The following TMEM135 variants were observed in gnomAD, a reference collection of about 807,000 sequenced individuals.
The protein encoded by TMEM135 is peroxisomal membrane protein 52.
TMEM135 carries 30 observed loss-of-function variants against 60.3 expected under a neutral mutation model. That is an observed-to-expected ratio of 0.50 (90% CI 0.37 to 0.68). The LOEUF is 0.68. Among genes scored for constraint, TMEM135 ranks in the 30% least tolerant of loss-of-function variants. The pLI, the probability that TMEM135 is intolerant of heterozygous loss-of-function variation, is 0.00. For synonymous variants in TMEM135, 190 were observed against 186.7 expected (o/e 1.02, Z -0.14); for missense variants, 468 against 548.8 (o/e 0.85, Z 1.47).
intron 4 of TMEM135, among the ~76,000 whole-genome samples, chr11:87,135,477 T>C (rs1938065208): frequency 6.9e-6 from 1 of 144,152 alleles, no homozygotes; most frequent in East Asian, 2.0e-4. Context: ...CTAGCACCAT[T>C]TATTGAAGAG....
chr11:87,151,314 T>C (rs1938550384), intron 4 of TMEM135, among the ~76,000 whole-genome samples: 1 of 152,176 alleles, frequency 6.6e-6, no homozygotes, highest in Admixed American at 6.5e-5. Context: ...AATTTATAGT[T>C]TTGCTGTTAT....
chr11:87,175,667 A>T (rs1939349331), intron 5 of TMEM135, among the ~76,000 whole-genome samples: 1 of 152,188 alleles, frequency 6.6e-6, no homozygotes, highest in Non-Finnish European at 1.5e-5. Flanking sequence ...GGTTCTTAAG[A>T]TCATATCAAT....
chr11:87,257,697 T>C (rs913163207), intron 6 of TMEM135, among the ~76,000 whole-genome samples: 8 of 152,152 alleles, frequency 5.3e-5, no homozygotes, highest in Admixed American at 1.3e-4. Context: ...AGATAAAAAT[T>C]AGATTGGTGG....
At chr11:87,167,326 G>T (rs1591071474) in intron 5 of TMEM135, among the ~76,000 whole-genome samples, 1 of 152,160 alleles carries the variant, frequency 6.6e-6, no homozygotes, top group Admixed American at 6.5e-5. Context: ...GCCCTGGCCA[G>T]AACTTCCAAT....
rs1219242779 is a variant in TMEM135, at chr11:87,323,631, T to A, written c.*2298T>A. On this transcript the variant is annotated 3_prime_UTR_variant, in exon 15 of 15. Coordinates refer to ENST00000305494, the MANE Select transcript of TMEM135 (RefSeq NM_022918.4). The stretch of plus-strand genomic sequence containing the variant: ...GTCCCCTTAGTCTTTCTGACATTTT[T>A]ATATAGATTGAGATTGAAAAACCGT... The A allele has an allele frequency of 2.2e-6, 1 of 453,784 alleles. No individual in the cohort carries two copies. The highest frequency in any genetic ancestry group is 2.0e-5 in the African/African-American group (1 of 49,978). 28.1% of individuals were successfully genotyped at this position (453,784 alleles called of 1,614,324 possible).
At chr11:87,153,684 C>T (rs1050238591) in intron 4 of TMEM135, among the ~76,000 whole-genome samples, 3 of 152,128 alleles carry the variant, frequency 2.0e-5, no homozygotes, top group Admixed American at 1.3e-4. Context: ...TCCACTTTCC[C>T]CTAGATGTAA....
intron 1 of TMEM135, among the ~76,000 whole-genome samples, chr11:87,043,648 G>T (rs570316915): frequency 2.0e-5 from 3 of 152,082 alleles, no homozygotes; most frequent in African/African-American, 7.2e-5. Context: ...ACTTGAACCT[G>T]GGAGGCGGAG....
At chr11:87,265,029 A>C (rs888829453) in intron 6 of TMEM135, among the ~76,000 whole-genome samples, 14 of 151,960 alleles carry the variant, frequency 9.2e-5, no homozygotes, top group African/African-American at 3.4e-4. Flanking sequence ...TAAAACATGA[A>C]ACTTTGACAT....
At chr11:87,218,347 A>G (rs1281000795) in intron 5 of TMEM135, among the ~76,000 whole-genome samples, 1 of 152,174 alleles carries the variant, frequency 6.6e-6, no homozygotes, top group Admixed American at 6.5e-5. Flanking sequence ...GGTATGAAGT[A>G]GGAAACACTT....
At chr11:87,237,246 G>A (rs992167426) in intron 6 of TMEM135, among the ~76,000 whole-genome samples, 8 of 151,858 alleles carry the variant, frequency 5.3e-5, no homozygotes, top group Admixed American at 4.6e-4. Context: ...CCAGTAAGAG[G>A]GATTTCTGCC....
At chr11:87,188,888 A>G (rs1038979271) in intron 5 of TMEM135, among the ~76,000 whole-genome samples, 1 of 152,178 alleles carries the variant, frequency 6.6e-6, no homozygotes, top group South Asian at 2.1e-4. Flanking sequence ...TCATCTTCAC[A>G]TAAATGCATA....
intron 4 of TMEM135, among the ~76,000 whole-genome samples, chr11:87,131,478 A>G (rs969923728): frequency 6.6e-6 from 1 of 152,180 alleles, no homozygotes; most frequent in African/African-American, 2.4e-5. Context: ...TATATCTGCA[A>G]TGCTATGTGC....
intron 4 of TMEM135, among the ~76,000 whole-genome samples, chr11:87,133,678 G>T (rs1234958376): frequency 6.6e-6 from 1 of 151,998 alleles, no homozygotes; most frequent in Non-Finnish European, 1.5e-5. Flanking sequence ...ATTTCCTTTG[G>T]TAACCTCTCC....
intron 1 of TMEM135, among the ~76,000 whole-genome samples, chr11:87,042,406 A>G (rs1949757878): frequency 6.6e-6 from 1 of 152,218 alleles, no homozygotes; most frequent in Admixed American, 6.5e-5. Flanking sequence ...TTTACATGGA[A>G]AGGCAAAGGG....
chr11:87,091,279 C>A (rs1291704352), intron 3 of TMEM135, 83 bp from the exon 4 acceptor site: 7 of 1,251,278 alleles, frequency 5.6e-6, no homozygotes, highest in South Asian at 5.3e-5. Flanking sequence ...GAATATAATT[C>A]TTTTTATAGA....
At chr11:87,292,960 T>A (rs1251811856) in intron 6 of TMEM135, among the ~76,000 whole-genome samples, 1 of 152,220 alleles carries the variant, frequency 6.6e-6, no homozygotes, top group Non-Finnish European at 1.5e-5. Context: ...TAGAACAAGT[T>A]GTCAGAATTC....
Position 87,324,720 on chromosome 11 carries a change from G to A in TMEM135, c.*3387G>A, listed in dbSNP as rs918367495. On this transcript the variant is annotated 3_prime_UTR_variant, in exon 15 of 15. Coordinates refer to ENST00000305494, the MANE Select transcript of TMEM135 (RefSeq NM_022918.4). ...CTCTGGGATTCCAGGTGTGAGCCAC[G>A]GTACCTAGCCATATTTTTATTTGTA... 2.2e-6 allele frequency: 1 copy of A among 453,642 alleles called. No individual in the cohort carries two copies. Among genetic ancestry groups the A allele is most frequent in the Non-Finnish European group, 4.4e-6 (1 of 226,724 alleles). The allele number at this position is 453,642 out of a possible 1,614,324, so 28.1% of individuals were successfully genotyped here. A position where few individuals can be genotyped will look rare whatever the true frequency, so the allele number is the denominator to read the frequency against.
At chr11:87,073,698 C>T (rs577175464) in intron 3 of TMEM135, among the ~76,000 whole-genome samples, 9 of 151,220 alleles carry the variant, frequency 6.0e-5, no homozygotes, top group East Asian at 3.9e-4. Flanking sequence ...GACGGAGTCT[C>T]GCTCTGTTGC....
intron 4 of TMEM135, among the ~76,000 whole-genome samples, chr11:87,128,381 GTTC>G (rs1250556477): frequency 4.6e-5 from 7 of 152,064 alleles, no homozygotes; most frequent in Non-Finnish European, 1.0e-4. Context: ...CCTTCTGCGT[GTTC>G]TTTTTTTTCT....
Sources: allele counts gnomAD v4.1 joint callset (sites outside exome capture counted in the v4.1 genomes callset), GRCh38; gene constraint gnomAD v4.1.1; transcripts MANE v1.5; gene names NCBI Gene and HGNC (gene_info 2026-07-23, HGNC 2026-07-21).